The following PSMC6 variants were observed in gnomAD, a reference collection of about 807,000 sequenced individuals.
PSMC6 encodes the protein 26S proteasome regulatory subunit 10B.
Under a neutral mutation model 55.9 loss-of-function variants are expected in PSMC6, and 3 were observed. The ratio of observed to expected loss-of-function variants is 0.05; its 90% CI spans 0.02 to 0.14. The LOEUF (loss-of-function observed/expected upper bound fraction) is 0.14, where lower values mean the gene tolerates loss of function less well. Ranked by LOEUF, PSMC6 falls within the 10% of genes least tolerant of loss-of-function variation. The pLI is 1.00. For synonymous variants in PSMC6, 137 were observed against 155.9 expected (o/e 0.88, Z 0.90); for missense variants, 210 against 478.7 (o/e 0.44, Z 5.24).
At chr14:52,719,267 G>GT (rs1456437660) in intron 10 of PSMC6, among the ~76,000 whole-genome samples, 1 of 152,080 alleles carries the variant, frequency 6.6e-6, no homozygotes, top group Non-Finnish European at 1.5e-5. Flanking sequence ...ACTATTCTGT[G>GT]TTTTTTTGAG....
chr14:52,718,678 G>T, intron 9 of PSMC6: 1 of 402,756 alleles, frequency 2.5e-6, no homozygotes, highest in East Asian at 5.0e-5. Context: ...CCCAGCTACT[G>T]AGGAGGCTGA....
rs71444775 is a variant in PSMC6 at position 52,720,367 on chromosome 14, CAAAAAAAAAAA to C, written c.778-474_778-464del. 3.0e-3 allele frequency among the ~76,000 whole-genome samples: 124 copies of C among 41,480 alleles called. 1 individual carries two copies. The East Asian group carries it at 0.05, about 17-fold the overall frequency. 27.2% of individuals were successfully genotyped at this position (41,480 alleles called of 152,430 possible). A position where few individuals can be genotyped will look rare whatever the true frequency, so the allele number is the denominator to read the frequency against. On this transcript the variant is annotated intron_variant, in intron 10 of 13. Transcript: ENST00000445930. ...TGGGTGACAGAGTGAAACTCTGTCTCAAAAAAAAAAAAAAAAAAAAAAAAAAAAAATTATCA... is the reference window on the plus strand; with the variant it reads ...TGGGTGACAGAGTGAAACTCTGTCTCAAAAAAAAAAAAAAAAAAATTATCA...
Position 52,723,957 on chromosome 14 carries a change from C to G in PSMC6, c.980-8C>G, listed in dbSNP as rs201347731. 2,158 of 1,611,028 alleles carry G rather than the reference C, an allele frequency of 1.3e-3. 5 individuals carry two copies. The highest frequency in any genetic ancestry group is 4.3e-3 in the Middle Eastern group (26 of 6,038). On this transcript the variant is annotated splice_region_variant and splice_polypyrimidine_tract_variant and intron_variant, in intron 12 of 13. Transcript: ENST00000445930. ...TTAAAACTAATTTCCAGTATTTTTT[C>G]TAAACAGATTATGAAGCAATTGTGA...
chr14:52,716,363 T>C (rs1246392665), intron 7 of PSMC6, among the ~76,000 whole-genome samples: 2 of 152,180 alleles, frequency 1.3e-5, no homozygotes, highest in South Asian at 2.1e-4. Context: ...GGAATTGAAA[T>C]CAGTGTGTCA....
At position 52,718,367 on chromosome 14, in the gene PSMC6, C is replaced by T; in HGVS notation, c.715+15C>T. ...AGATGCTATTGGTAAGAATAACACC[C>T]TTGTTGAAAGTTTTAGGACTTTTTT... On this transcript the variant is annotated intron_variant, in intron 9 of 13. Transcript: ENST00000445930. 1 of 1,599,962 alleles carries T rather than the reference C, an allele frequency of 6.3e-7. No individual in the cohort carries two copies. The highest frequency in any genetic ancestry group is 1.8e-5 in the Admixed American group (1 of 55,958).
rs991426343 is a variant in PSMC6 at position 52,727,437 on chromosome 14, C to T, written c.1052-62C>T. Reference sequence around the variant, plus strand: ...TATTCCATAGAATTATATTGTTTTTCTTATAATGAACATATAATTCATATG... The same window carrying T: ...TATTCCATAGAATTATATTGTTTTTTTTATAATGAACATATAATTCATATG... On this transcript the variant is annotated intron_variant, in intron 13 of 13. Coordinates refer to ENST00000445930, the MANE Select transcript of PSMC6 (RefSeq NM_002806.5). The T allele has an allele frequency of 9.5e-6, 10 of 1,052,218 alleles. No individual in the cohort carries two copies. The African/African-American group carries it at 1.3e-4, about 14-fold the overall frequency. The allele number at this position is 1,052,218 out of a possible 1,614,324, so 65.2% of individuals were successfully genotyped here.
At chr14:52,716,173 G>A (rs1049609138) in intron 7 of PSMC6, among the ~76,000 whole-genome samples, 5 of 152,162 alleles carry the variant, frequency 3.3e-5, no homozygotes, top group African/African-American at 1.2e-4. Flanking sequence ...TAAGTAGATA[G>A]CTATTATAAA....
At chr14:52,713,223 CA>C (rs571396976) in intron 6 of PSMC6, among the ~76,000 whole-genome samples, 3 of 150,048 alleles carry the variant, frequency 2.0e-5, no homozygotes, top group East Asian at 3.9e-4. Flanking sequence ...GACTCTGTCT[CA>C]AAAAAAAAGA....
At chr14:52,708,976 A>G in intron 4 of PSMC6, 160 bp downstream of exon 4, 1 of 1,043,456 alleles carries the variant, frequency 9.6e-7, no homozygotes, top group Non-Finnish European at 1.3e-6. Flanking sequence ...CCTGAATTCA[A>G]ACCATGGGCT....
intron 13 of PSMC6, among the ~76,000 whole-genome samples, chr14:52,726,422 C>G (rs1221481664): frequency 1.3e-5 from 2 of 152,080 alleles, no homozygotes; most frequent in Admixed American, 1.3e-4. Flanking sequence ...CTATATGATT[C>G]CCTATTCTCA....
chr14:52,712,893 C>T (rs966380906), intron 6 of PSMC6, among the ~76,000 whole-genome samples: 2 of 152,074 alleles, frequency 1.3e-5, no homozygotes, highest in African/African-American at 4.8e-5. Context: ...TTGGGATTTA[C>T]AGGCGTGAGC....
intron 7 of PSMC6, 31 bp from the exon 8 acceptor site, chr14:52,718,050 A>G (rs962739861): frequency 1.2e-6 from 2 of 1,605,556 alleles, no homozygotes; most frequent in East Asian, 2.2e-5. Context: ...CTACCTTACC[A>G]TCTAATTAAG....
At chr14:52,717,527 G>T (rs1431321139) in intron 7 of PSMC6, among the ~76,000 whole-genome samples, 1 of 151,146 alleles carries the variant, frequency 6.6e-6, no homozygotes, top group Non-Finnish European at 1.5e-5. Flanking sequence ...AGTAGAGACG[G>T]GGTTTCACTG....
chr14:52,710,837 C>T, intron 4 of PSMC6: 3 of 437,898 alleles, frequency 6.9e-6, no homozygotes, highest in Middle Eastern at 6.6e-4. Context: ...GTCACTGTAC[C>T]ATTGCTGCCT....
chr14:52,714,789 C>A (rs2041811936), intron 7 of PSMC6, among the ~76,000 whole-genome samples: 1 of 144,852 alleles, frequency 6.9e-6, no homozygotes, highest in East Asian at 2.0e-4. Flanking sequence ...TTGCTTGAAC[C>A]TGGGAGGCAG....
chr14:52,725,370 G>A (rs1319287512), intron 13 of PSMC6, among the ~76,000 whole-genome samples: 2 of 152,064 alleles, frequency 1.3e-5, no homozygotes, highest in African/African-American at 4.8e-5. Flanking sequence ...TTAACTAGGT[G>A]GGACATTCAC....
chr14:52,713,914 T>A lies in PSMC6; in HGVS notation c.475T>A (p.Phe159Ile). ...ATTACCTCTTACAAACCCAGAGTTA[T>A]TTCAGCGTGTAGGAATAATACCTCC... ...IELPLTNPEL[F>I]QRVGIIPPKG... Residue 159 changes from phenylalanine (F) to isoleucine (I), a missense_variant, in exon 7 of 14, where the codon TTT becomes ATT. Physicochemically the swap from Phe to Ile is conservative, Grantham distance 21. Transcript: ENST00000445930. The A allele has an allele frequency of 6.2e-7, 1 of 1,601,566 alleles. No individual in the cohort carries two copies. The highest frequency in any genetic ancestry group is 8.5e-7 in the Non-Finnish European group (1 of 1,171,156).
Position 52,727,709 on chromosome 14 carries a change from T to G in PSMC6, c.*92T>G. ...AATAATGTATGTATTGGTAATGATG[T>G]CATTAAAAGTATATGAATAAAAATA... is the stretch of plus-strand genomic sequence containing the variant. On this transcript the variant is annotated 3_prime_UTR_variant, in exon 14 of 14. Transcript: ENST00000445930. The G allele has an allele frequency of 1.4e-6, 1 of 714,870 alleles. No homozygotes were observed. The highest frequency in any genetic ancestry group is 2.6e-5 in the Admixed American group (1 of 38,944). 44.3% of individuals were successfully genotyped at this position (714,870 alleles called of 1,614,324 possible).
intron 6 of PSMC6, 51 bp from the exon 7 acceptor site, chr14:52,713,830 A>T: frequency 8.4e-7 from 1 of 1,191,084 alleles, no homozygotes; most frequent in Non-Finnish European, 1.2e-6. Context: ...ATTTGAAAGT[A>T]CATTAAAAAT....
Sources: allele counts gnomAD v4.1 joint callset (sites outside exome capture counted in the v4.1 genomes callset), GRCh38; gene constraint gnomAD v4.1.1; transcripts MANE v1.5; gene names NCBI Gene and HGNC (gene_info 2026-07-23, HGNC 2026-07-21).